Variants in SPAG16 observed in about 807,000 individuals in gnomAD.
SPAG16 encodes the protein sperm-associated antigen 16 protein.
Under a neutral mutation model 80.4 loss-of-function variants are expected in SPAG16, and 86 were observed. The ratio of observed to expected loss-of-function variants is 1.07; its 90% CI spans 0.90 to 1.28. SPAG16 has a LOEUF of 1.28. SPAG16 is among the 50% of genes most tolerant of loss of function. The probability of loss-of-function intolerance (pLI) is 0.00; values close to 1 mark genes in which losing one functional copy is unlikely to be tolerated. For synonymous variants in SPAG16, 294 were observed against 265.9 expected (o/e 1.11, Z -1.03); for missense variants, 870 against 765.3 (o/e 1.14, Z -1.61).
chr2:214,383,587 GAAAAAA>G (rs112485531), intron 15 of SPAG16, among the ~76,000 whole-genome samples: 1 of 145,344 alleles, frequency 6.9e-6, no homozygotes, highest in Non-Finnish European at 1.5e-5. Flanking sequence ...AAAGAAAAAA[GAAAAAA>G]AAAGACATAT....
intron 15 of SPAG16, among the ~76,000 whole-genome samples, chr2:214,192,145 C>G (rs2057686867): frequency 6.6e-6 from 1 of 152,018 alleles, no homozygotes; most frequent in Non-Finnish European, 1.5e-5. Flanking sequence ...ACAATTTGAA[C>G]AAAAATTAGA....
At chr2:213,823,743 C>G (rs1333248056) in intron 10 of SPAG16, among the ~76,000 whole-genome samples, 1 of 152,096 alleles carries the variant, frequency 6.6e-6, no homozygotes, top group Non-Finnish European at 1.5e-5. Context: ...CATTTGCCTA[C>G]TTTTTGATGG....
intron 11 of SPAG16, among the ~76,000 whole-genome samples, chr2:213,863,158 G>T (rs1311595627): frequency 6.7e-6 from 1 of 149,306 alleles, no homozygotes; most frequent in Non-Finnish European, 1.5e-5. Flanking sequence ...AAGACCAAGG[G>T]CACAGAAGGG....
chr2:214,042,148 C>T (rs1004485082), intron 13 of SPAG16, among the ~76,000 whole-genome samples: 4 of 150,510 alleles, frequency 2.7e-5, no homozygotes, highest in East Asian at 2.0e-4. Flanking sequence ...TGCAGTGGCA[C>T]GATCTTGAAT....
intron 13 of SPAG16, among the ~76,000 whole-genome samples, chr2:214,096,504 G>A (rs3213780): frequency 0.094 from 14,232 of 151,888 alleles, 845 homozygotes; most frequent in East Asian, 0.29. Context: ...TATATATTCC[G>A]ATACACATAT....
chr2:213,856,751 C>T (rs181948188), intron 10 of SPAG16, among the ~76,000 whole-genome samples: 2 of 152,252 alleles, frequency 1.3e-5, no homozygotes, highest in African/African-American at 4.8e-5. Flanking sequence ...GCACCGAGTC[C>T]CAAGACTGCA....
At chr2:213,601,505 T>C (rs2061060543) in intron 10 of SPAG16, among the ~76,000 whole-genome samples, 2 of 152,192 alleles carry the variant, frequency 1.3e-5, no homozygotes, top group East Asian at 3.9e-4. Context: ...GATGAATTAC[T>C]ATGGAGCAAT....
intron 15 of SPAG16, among the ~76,000 whole-genome samples, chr2:214,231,125 C>A (rs907715562): frequency 1.3e-5 from 2 of 151,938 alleles, no homozygotes; most frequent in Admixed American, 6.6e-5. Flanking sequence ...TTGGAATAAC[C>A]AACCATGTCC....
chr2:213,653,991 A>G (rs1309398107), intron 10 of SPAG16, among the ~76,000 whole-genome samples: 1 of 152,192 alleles, frequency 6.6e-6, no homozygotes, highest in African/African-American at 2.4e-5. Flanking sequence ...ATAATTTGAA[A>G]CAAAATTTGA....
At chr2:213,362,664 A>G (rs1260962860) in intron 7 of SPAG16, among the ~76,000 whole-genome samples, 2 of 152,202 alleles carry the variant, frequency 1.3e-5, no homozygotes, top group Non-Finnish European at 2.9e-5. Context: ...AGACAACCTC[A>G]AATCTAGGGC....
intron 12 of SPAG16, among the ~76,000 whole-genome samples, chr2:213,982,382 T>G (rs1332526012): frequency 1.3e-5 from 2 of 151,730 alleles, no homozygotes; most frequent in African/African-American, 4.9e-5. Context: ...ATCTATTATA[T>G]TCTCAATTTT....
Position 214,170,261 on chromosome 2 carries a change from C to T in SPAG16, c.1720+20995C>T, listed in dbSNP as rs980829314. On this transcript the variant is annotated intron_variant, in intron 15 of 15. Transcript: ENST00000331683. The stretch of plus-strand genomic sequence containing the variant: ...ACACTTAGGTGTGTATACATATACA[C>T]ACACACTTAGGTGTGCGTACATATA... Among the ~76,000 whole-genome samples, 7 of 93,260 alleles carry T rather than the reference C, an allele frequency of 7.5e-5. 1 individual carries two copies. Among genetic ancestry groups the T allele is most frequent in the Non-Finnish European group, 3.1e-5 (1 of 32,436 alleles). The allele number at this position is 93,260 out of a possible 152,430, so 61.2% of individuals were successfully genotyped here. A position where few individuals can be genotyped will look rare whatever the true frequency, so the allele number is the denominator to read the frequency against.
intron 10 of SPAG16, among the ~76,000 whole-genome samples, chr2:213,645,905 G>A (rs1383551600): frequency 6.6e-6 from 1 of 152,208 alleles, no homozygotes; most frequent in Non-Finnish European, 1.5e-5. Flanking sequence ...CTGTGCTGAG[G>A]TTTGAAGGCA....
At chr2:213,791,702 G>C (rs1317654089) in intron 10 of SPAG16, among the ~76,000 whole-genome samples, 5 of 152,016 alleles carry the variant, frequency 3.3e-5, no homozygotes, top group Non-Finnish European at 7.4e-5. Context: ...ATATCCATAT[G>C]GGTTTTCTAA....
intron 11 of SPAG16, among the ~76,000 whole-genome samples, chr2:213,876,864 C>T (rs1257026429): frequency 2.6e-5 from 4 of 152,190 alleles, no homozygotes; most frequent in East Asian, 1.9e-4. Context: ...CTGAACTTGA[C>T]GACAGGCTTT....
In SPAG16 at chr2:213,575,993, A is replaced by G. The variant is rs565999187; in HGVS notation, c.1070+85903A>G. ...AATCCATTTGCTCAAAGTTAAAAAAAGCAACACAAGATTGTCCTGAATGGT... is the reference window on the plus strand; with the variant it reads ...AATCCATTTGCTCAAAGTTAAAAAAGGCAACACAAGATTGTCCTGAATGGT... On this transcript the variant is annotated intron_variant, in intron 10 of 15. Coordinates refer to ENST00000331683, the MANE Select transcript of SPAG16 (RefSeq NM_024532.5). 3.9e-5 allele frequency among the ~76,000 whole-genome samples: 6 copies of G among 152,262 alleles called. No homozygotes were observed. The South Asian group carries it at 1.0e-3, about 26-fold the overall frequency.
At chr2:214,251,754 C>T (rs1377593980) in intron 15 of SPAG16, among the ~76,000 whole-genome samples, 1 of 152,094 alleles carries the variant, frequency 6.6e-6, no homozygotes, top group East Asian at 1.9e-4. Context: ...CAGACATGTT[C>T]CACTATATCT....
chr2:214,269,419 G>A (rs1365189934), intron 15 of SPAG16, among the ~76,000 whole-genome samples: 2 of 151,928 alleles, frequency 1.3e-5, no homozygotes, highest in Admixed American at 1.3e-4. Flanking sequence ...GCTGGAATTG[G>A]TGAGCATAGA....
intron 13 of SPAG16, among the ~76,000 whole-genome samples, chr2:214,094,566 AG>A (rs1400644644): frequency 3.3e-5 from 5 of 152,180 alleles, no homozygotes; most frequent in Admixed American, 6.6e-5. Flanking sequence ...ATCTGTGCCC[AG>A]GGCATGCTTT....
Sources: gnomAD v4.1 joint callset for allele counts (sites outside exome capture counted in the v4.1 genomes callset) on GRCh38, gnomAD v4.1.1 for gene constraint, MANE v1.5 for transcripts, NCBI Gene and HGNC (gene_info 2026-07-23, HGNC 2026-07-21) for gene names.